The following WDR81 variants were observed in gnomAD, a reference collection of about 807,000 sequenced individuals.
WDR81 encodes the protein WD repeat-containing protein 81.
In WDR81, 92 loss-of-function variants were observed where a neutral mutation model predicts 140.8. The ratio of observed to expected loss-of-function variants is 0.65; its 90% CI spans 0.55 to 0.78. The LOEUF (loss-of-function observed/expected upper bound fraction) is 0.78, where lower values mean the gene tolerates loss of function less well. Among genes scored for constraint, WDR81 ranks in the 30% least tolerant of loss-of-function variants. The pLI is 0.00. For synonymous variants in WDR81, 1,183 were observed against 1,156.4 expected, an observed-to-expected ratio of 1.02 and a Z score of -0.47; for missense variants, 2,502 against 2,636.4, an observed-to-expected ratio of 0.95 and a Z score of 1.12.
Position 1,733,858 on chromosome 17 carries a change from G to T in WDR81, c.4821G>T (p.Pro1607=). 1 of 1,612,758 alleles carries T rather than the reference G, an allele frequency of 6.2e-7. No individual in the cohort carries two copies. Among genetic ancestry groups the T allele is most frequent in the Middle Eastern group, 1.6e-4 (1 of 6,062 alleles). ...ACAACGCCCTGAAGCAGGAGCTGCC[G>T]CGGAGCGTGCACGGGCTGAGCGGAA... is the stretch of plus-strand genomic sequence containing the variant. The part of the protein sequence containing the change: ...SDDNALKQEL[P]RSVHGLSGNW... Residue 1607 remains proline, a synonymous_variant, in exon 7 of 10, where the codon CCG becomes CCT. Transcript: ENST00000409644.
rs879770324 is a variant in WDR81, at chr17:1,724,976, G to T, written c.17G>T (p.Gly6Val). The T allele has an allele frequency of 1.4e-6, 2 of 1,457,108 alleles. No individual in the cohort carries two copies. Among genetic ancestry groups the T allele is most frequent in the Non-Finnish European group, 1.8e-6 (2 of 1,108,634 alleles). 90.3% of individuals were successfully genotyped at this position (1,457,108 alleles called of 1,614,324 possible). Residue 6 changes from glycine (G) to valine (V), a missense_variant, in exon 1 of 10, where the codon GGG (glycine) becomes GTG (valine). By Grantham distance (109) the Gly-to-Val change is moderately radical. Around this residue, in one of 3 missense-constraint regions of WDR81, gnomAD observed 547 missense variants for 513.8 expected, o/e 1.06. Coordinates refer to ENST00000409644, the MANE Select transcript of WDR81 (RefSeq NM_001163809.2). ...CTGGAGGAGATGGCCCAGGGCAGCG[G>T]GGGGCGGGAAGGCGCTCTCAGAACC... is the stretch of plus-strand genomic sequence containing the variant. MAQGS[G>V]GREGALRTPA...
At chr17:1,718,954 G>A (rs1393631591) in intron 1 of WDR81, among the ~76,000 whole-genome samples, 3 of 152,062 alleles carry the variant, frequency 2.0e-5, no homozygotes, top group African/African-American at 4.8e-5. Context: ...GAGGGCTACC[G>A]GGTGCACAAT....
At position 1,733,799 on chromosome 17, in the gene WDR81, G is replaced by C. The variant is rs545492840; in HGVS notation, c.4762G>C (p.Val1588Leu). 1.4e-4 allele frequency: 231 copies of C among 1,612,304 alleles called. No homozygotes were observed. The East Asian group carries it at 4.6e-3, about 32-fold the overall frequency. ...CGGACCACTGGGCCCCATCTCGGGG[G>C]TGGGTGGCGGGGGCCTGGGCAGCGG... ...NPGPLGPISGVGGGGLGSGSD... is the reference protein window; with the variant it reads ...NPGPLGPISGLGGGGLGSGSD... The change falls in exon 7 of 10, where the codon GTG becomes CTG. Residue 1588 changes from valine to leucine, a missense_variant. Physicochemically the swap from Val to Leu is conservative, Grantham distance 32. Around this residue, in one of 3 missense-constraint regions of WDR81, gnomAD observed 1,737 missense variants for 1,843.0 expected, o/e 0.94. Transcript: ENST00000409644.
chr17:1,730,242 G>C, intron 1 of WDR81, 138 bp from the exon 2 acceptor site: 2 of 665,210 alleles, frequency 3.0e-6, no homozygotes. Flanking sequence ...GGAGGGGGTG[G>C]TGTGGGACAG....
chr17:1,733,051 G>A, intron 6 of WDR81: 1 of 572,840 alleles, frequency 1.7e-6, no homozygotes, highest in Non-Finnish European at 2.9e-6. Flanking sequence ...GGCCTGTAGT[G>A]TCCCTGGGGA....
intron 5 of WDR81, 39 bp downstream of exon 5, chr17:1,732,529 G>T (rs1227875483): frequency 6.2e-7 from 1 of 1,603,052 alleles, no homozygotes; most frequent in Admixed American, 1.7e-5. Flanking sequence ...CTGGGGCGGG[G>T]GCTGTGGACC....
Position 1,734,053 on chromosome 17 carries a change from G to C in WDR81, c.5016G>C (p.Val1672=), listed in dbSNP as rs370886115. The C allele has an allele frequency of 1.2e-6, 2 of 1,608,490 alleles. No individual in the cohort carries two copies. The highest frequency in any genetic ancestry group is 2.7e-5 in the African/African-American group (2 of 74,936). ...TGAGCGGCAGCAAGGATCGTACCGTGCGCCTCTGGCCGCTGTACAACTACG... is the reference window on the plus strand; with the variant it reads ...TGAGCGGCAGCAAGGATCGTACCGTCCGCCTCTGGCCGCTGTACAACTACG... ...FFLSGSKDRT[V]RLWPLYNYGD... The change falls in exon 7 of 10, where the codon GTG becomes GTC. Residue 1672 remains valine, a synonymous_variant. Transcript: ENST00000409644.
chr17:1,717,951 C>T (rs1183392951), intron 1 of WDR81, among the ~76,000 whole-genome samples: 1 of 152,042 alleles, frequency 6.6e-6, no homozygotes. Context: ...GAGGACCAAG[C>T]CTGGGGAGGA....
upstream of WDR81, among the ~76,000 whole-genome samples, chr17:1,722,339 TTC>T (rs1454973648): frequency 6.6e-6 from 1 of 151,338 alleles, no homozygotes; most frequent in Admixed American, 6.6e-5. Flanking sequence ...CATTCCTGTT[TTC>T]TCTCTCTTTT....
chr17:1,724,369 T>C (rs1042181512), upstream of WDR81, among the ~76,000 whole-genome samples: 6 of 151,866 alleles, frequency 4.0e-5, no homozygotes, highest in Non-Finnish European at 5.9e-5. Context: ...GTCTCAAAAA[T>C]AGACACAACA....
chr17:1,732,799 AC>A lies in WDR81; in HGVS notation c.4458del (p.Tyr1486Ter). 1 of 1,612,676 alleles carries A rather than the reference AC, an allele frequency of 6.2e-7. No homozygotes were observed. The highest frequency in any genetic ancestry group is 8.5e-7 in the Non-Finnish European group (1 of 1,179,672). On this transcript the variant is annotated frameshift_variant, in exon 6 of 10. Transcript: ENST00000409644. LOFTEE classifies it high-confidence loss of function. ...AAGGTGTTCACCCTGGAGATGGCAT[AC>A]ACAATCTACGTGCCCTTCTCCTGCC... Reference protein sequence around the residue: ...LQKVFTLEMAYTIYVPFSCLL... With the variant: ...LQKVFTLEMAXTIYVPFSCLL...
At chr17:1,723,129 T>A (rs1385604821), upstream of WDR81, among the ~76,000 whole-genome samples, 4 of 152,212 alleles carry the variant, frequency 2.6e-5, no homozygotes, top group Non-Finnish European at 4.4e-5. Flanking sequence ...GGTCTATCTG[T>A]CCTGCAGATG....
chr17:1,726,620 A>T lies in WDR81; in HGVS notation c.1661A>T (p.Gln554Leu). ...GACCTCACGTTTGGCTATAAACTCC[A>T]GGGTAAGGAGGCTGTCAAGGAAAAG... ...WIDLTFGYKL[Q>L]GKEAVKEKNV... The change falls in exon 1 of 10, where the codon CAG (glutamine) becomes CTG (leucine). Residue 554 changes from glutamine (Q) to leucine (L), a missense_variant. Around this residue, in one of 3 missense-constraint regions of WDR81, gnomAD observed 218 missense variants for 279.6 expected, o/e 0.78. Coordinates refer to ENST00000409644, the MANE Select transcript of WDR81 (RefSeq NM_001163809.2). 1 of 1,550,238 alleles carries T rather than the reference A, an allele frequency of 6.5e-7. No homozygotes were observed. The highest frequency in any genetic ancestry group is 1.2e-5 in the South Asian group (1 of 84,052).
At position 1,736,125 on chromosome 17, in the gene WDR81, C is replaced by G. The variant is rs770595661; in HGVS notation, c.5412C>G (p.Gly1804=). 2 of 1,602,576 alleles carry G rather than the reference C, an allele frequency of 1.2e-6. No individual in the cohort carries two copies. The highest frequency in any genetic ancestry group is 1.7e-5 in the Admixed American group (1 of 59,994). The part of the protein sequence containing the change: ...ISPSGRSVVA[G]FSSGFMVLLD... ...CCAGTGGCCGTAGTGTCGTGGCCGG[C>G]TTCTCCTCAGGCTTCATGGTGCTCC... is the stretch of plus-strand genomic sequence containing the variant. Residue 1804 remains glycine (G), a synonymous_variant, in exon 9 of 10, where the codon GGC becomes GGG. Coordinates refer to ENST00000409644, the MANE Select transcript of WDR81 (RefSeq NM_001163809.2).
chr17:1,733,852 G>T lies in WDR81; in HGVS notation c.4815G>T (p.Glu1605Asp). 1 of 1,612,706 alleles carries T rather than the reference G, an allele frequency of 6.2e-7. No individual in the cohort carries two copies. The highest frequency in any genetic ancestry group is 8.5e-7 in the Non-Finnish European group (1 of 1,179,898). Reference sequence around the variant, plus strand: ...GCGACGACAACGCCCTGAAGCAGGAGCTGCCGCGGAGCGTGCACGGGCTGA... The same window carrying T: ...GCGACGACAACGCCCTGAAGCAGGATCTGCCGCGGAGCGTGCACGGGCTGA... ...SGSDDNALKQ[E>D]LPRSVHGLSG... is the part of the protein sequence containing the mutation. The change falls in exon 7 of 10, where the codon GAG (glutamate) becomes GAT (aspartate). Residue 1605 changes from glutamate to aspartate, a missense_variant. Around this residue, in one of 3 missense-constraint regions of WDR81, gnomAD observed 1,737 missense variants for 1,843.0 expected, o/e 0.94. Coordinates refer to ENST00000409644, the MANE Select transcript of WDR81 (RefSeq NM_001163809.2).
At position 1,738,171 on chromosome 17, in the gene WDR81, C is replaced by A; in HGVS notation, c.*486C>A. The A allele has an allele frequency of 5.7e-6, 1 of 173,978 alleles. No homozygotes were observed. The allele number at this position is 173,978 out of a possible 1,614,324, so 10.8% of individuals were successfully genotyped here. A position where few individuals can be genotyped will look rare whatever the true frequency, so the allele number is the denominator to read the frequency against. On this transcript the variant is annotated 3_prime_UTR_variant, in exon 10 of 10. Transcript: ENST00000409644. ...CAGCCTAAGGAAGGCTGGCCGTGGT[C>A]CAGGAGTTAAGGGCTTGGGTCTGGG...
At chr17:1,723,451 ATTTATTTT>A (rs1282286983), upstream of WDR81, among the ~76,000 whole-genome samples, 1 of 121,534 alleles carries the variant, frequency 8.2e-6, no homozygotes, top group African/African-American at 3.4e-5. Flanking sequence ...ATTTTTATTT[ATTTATTTT>A]TATTTATTTA....
At position 1,733,790 on chromosome 17, in the gene WDR81, A is replaced by G. The variant is rs373646970; in HGVS notation, c.4753A>G (p.Ile1585Val). 3.7e-6 allele frequency: 6 copies of G among 1,612,138 alleles called. No homozygotes were observed. Among genetic ancestry groups the G allele is most frequent in the Non-Finnish European group, 2.5e-6 (3 of 1,179,584 alleles). ...RPENPGPLGPISGVGGGGLGS... is the reference protein window; with the variant it reads ...RPENPGPLGPVSGVGGGGLGS... ...TGAGAACCCCGGACCACTGGGCCCCATCTCGGGGGTGGGTGGCGGGGGCCT... is the reference window on the plus strand; with the variant it reads ...TGAGAACCCCGGACCACTGGGCCCCGTCTCGGGGGTGGGTGGCGGGGGCCT... Residue 1585 changes from isoleucine (I) to valine (V), a missense_variant, in exon 7 of 10, where the codon ATC becomes GTC. This residue lies in a region of WDR81 where 1,737 missense variants were observed against 1,843.0 expected (regional missense o/e 0.94). Coordinates refer to ENST00000409644, the MANE Select transcript of WDR81 (RefSeq NM_001163809.2).
chr17:1,724,463 C>G (rs1274854283), upstream of WDR81: 1 of 984,498 alleles, frequency 1.0e-6, no homozygotes, highest in Non-Finnish European at 1.2e-6. Flanking sequence ...GGGACCCGCG[C>G]GCTGGTGCGT....
Sources: gnomAD v4.1 joint callset for allele counts (sites outside exome capture counted in the v4.1 genomes callset) on GRCh38, gnomAD v4.1.1 for gene constraint, gnomAD v4.1.1 regional missense constraint, MANE v1.5 for transcripts, NCBI Gene and HGNC (gene_info 2026-07-23, HGNC 2026-07-21) for gene names.